Variants in ALK observed in about 807,000 individuals in gnomAD.
ALK encodes the protein ALK tyrosine kinase receptor.
ALK carries 74 observed loss-of-function variants against 163.1 expected under a neutral mutation model. That is an observed-to-expected ratio of 0.45 (90% confidence interval 0.38 to 0.55). ALK has a LOEUF of 0.55. Among genes scored for constraint, ALK ranks in the 20% least tolerant of loss-of-function variants. The pLI, the probability that ALK is intolerant of heterozygous loss-of-function variation, is 0.00. For synonymous variants in ALK, 960 were observed against 843.2 expected (o/e 1.14, Z -2.40); for missense variants, 2,063 against 2,105.3 (o/e 0.98, Z 0.39).
At chr2:29,237,309 C>A (rs1664411338) in intron 13 of ALK, among the ~76,000 whole-genome samples, 1 of 152,164 alleles carries the variant, frequency 6.6e-6, no homozygotes, top group Non-Finnish European at 1.5e-5. Flanking sequence ...CTTCACATTG[C>A]AGCCAGAGTG....
intron 1 of ALK, among the ~76,000 whole-genome samples, chr2:29,877,052 A>G (rs1049260306): frequency 4.6e-5 from 7 of 152,252 alleles, no homozygotes; most frequent in African/African-American, 1.7e-4. Flanking sequence ...GAGCTAATCC[A>G]ATCCAACATA....
At chr2:29,870,636 G>A (rs1214527057) in intron 1 of ALK, among the ~76,000 whole-genome samples, 1 of 152,044 alleles carries the variant, frequency 6.6e-6, no homozygotes, top group Non-Finnish European at 1.5e-5. Context: ...TGCTTACAAA[G>A]ACTTTTTAAT....
intron 5 of ALK, among the ~76,000 whole-genome samples, chr2:29,349,709 A>G (rs532973953): frequency 1.3e-5 from 2 of 152,290 alleles, no homozygotes; most frequent in African/African-American, 4.8e-5. Flanking sequence ...TGGACAGGTG[A>G]CAGCTCATAG....
intron 3 of ALK, among the ~76,000 whole-genome samples, chr2:29,675,925 T>C (rs1396923020): frequency 6.6e-6 from 1 of 152,022 alleles, no homozygotes; most frequent in Non-Finnish European, 1.5e-5. Context: ...GGCACCCCTC[T>C]ATATTGACCA....
intron 4 of ALK, among the ~76,000 whole-genome samples, chr2:29,399,814 A>T (rs76616347): frequency 6.6e-5 from 10 of 152,120 alleles, no homozygotes; most frequent in African/African-American, 2.2e-4. Context: ...GCATTTTCAC[A>T]TGGGTGAAAA....
intron 4 of ALK, among the ~76,000 whole-genome samples, chr2:29,514,899 C>T (rs1017475998): frequency 3.9e-5 from 6 of 152,220 alleles, no homozygotes; most frequent in Non-Finnish European, 8.8e-5. Context: ...CATCCCTACC[C>T]TACCTCCAAC....
rs538690903 is a variant in ALK at position 29,914,908 on chromosome 2, C to G, written c.667+5085G>C. 1.3e-4 allele frequency among the ~76,000 whole-genome samples: 20 copies of G among 152,288 alleles called. No homozygotes were observed. The East Asian group carries it at 3.9e-3, about 29-fold the overall frequency. On this transcript the variant is annotated intron_variant, in intron 1 of 28. Transcript: ENST00000389048. ...GTTTCCAGGTGTATACCATTTTGTG[C>G]TATATGACCTGGAAAAATATGGTCT... is the stretch of plus-strand genomic sequence containing the variant.
intron 3 of ALK, among the ~76,000 whole-genome samples, chr2:29,689,453 C>A (rs1194346411): frequency 2.6e-5 from 4 of 152,260 alleles, no homozygotes; most frequent in East Asian, 1.9e-4. Context: ...TTCAGGGACC[C>A]TTTTAAGAAC....
chr2:29,649,830 C>G (rs1230396708), intron 3 of ALK, among the ~76,000 whole-genome samples: 1 of 152,154 alleles, frequency 6.6e-6, no homozygotes, highest in African/African-American at 2.4e-5. Flanking sequence ...CCCTCCAGCC[C>G]TTACTTTGGC....
intron 5 of ALK, among the ~76,000 whole-genome samples, chr2:29,357,876 C>T (rs1396117756): frequency 6.6e-6 from 1 of 152,218 alleles, no homozygotes; most frequent in Non-Finnish European, 1.5e-5. Flanking sequence ...CTCTCGATTT[C>T]AGAGATGCTT....
At chr2:29,452,325 T>C (rs996840459) in intron 4 of ALK, among the ~76,000 whole-genome samples, 4 of 78,360 alleles carry the variant, frequency 5.1e-5, no homozygotes, top group Admixed American at 4.0e-4. Context: ...TCACTCAAGT[T>C]TTTTTTGTTT....
chr2:29,755,278 T>C (rs933581801), intron 1 of ALK, among the ~76,000 whole-genome samples: 1 of 152,218 alleles, frequency 6.6e-6, no homozygotes, highest in Non-Finnish European at 1.5e-5. Context: ...TGCCGGTGAA[T>C]GGCCCTGTGT....
intron 1 of ALK, among the ~76,000 whole-genome samples, chr2:29,768,918 T>C (rs1263675578): frequency 2.6e-5 from 4 of 151,986 alleles, no homozygotes; most frequent in Non-Finnish European, 4.4e-5. Flanking sequence ...ACTGCAGCCT[T>C]GACTTCCTGG....
At chr2:29,249,162 C>T (rs1341240724) in intron 12 of ALK, among the ~76,000 whole-genome samples, 1 of 152,100 alleles carries the variant, frequency 6.6e-6, no homozygotes, top group Non-Finnish European at 1.5e-5. Context: ...GGAACACAGC[C>T]CAAGAGAATC....
chr2:29,889,832 G>A (rs1667100490), intron 1 of ALK, among the ~76,000 whole-genome samples: 1 of 151,634 alleles, frequency 6.6e-6, no homozygotes, highest in Non-Finnish European at 1.5e-5. Flanking sequence ...TGCTAGTCCT[G>A]GATGACTGTG....
At chr2:29,280,864 A>T (rs1483505199) in intron 9 of ALK, among the ~76,000 whole-genome samples, 12 of 151,012 alleles carry the variant, frequency 7.9e-5, no homozygotes, top group Admixed American at 7.9e-4. Flanking sequence ...TCTGGTATGT[A>T]CCAGGTGGAC....
At chr2:29,835,703 A>T (rs1267959435) in intron 1 of ALK, among the ~76,000 whole-genome samples, 1 of 152,212 alleles carries the variant, frequency 6.6e-6, no homozygotes. Context: ...CAATTGAATC[A>T]TGTGGGTGGT....
At chr2:29,455,123 G>C (rs11691562) in intron 4 of ALK, among the ~76,000 whole-genome samples, 1,879 of 152,228 alleles carry the variant, frequency 0.012, 21 homozygotes, top group Non-Finnish European at 0.018. Context: ...TTTCATAATA[G>C]ACATTTGCAG....
intron 2 of ALK, among the ~76,000 whole-genome samples, chr2:29,696,278 A>T (rs1386104222): frequency 6.6e-6 from 1 of 152,160 alleles, no homozygotes; most frequent in African/African-American, 2.4e-5. Context: ...GCAAACTAAC[A>T]CAGGAACAGA....
Sources: allele counts gnomAD v4.1 joint callset (sites outside exome capture counted in the v4.1 genomes callset), GRCh38; gene constraint gnomAD v4.1.1; transcripts MANE v1.5; gene names NCBI Gene and HGNC (gene_info 2026-07-23, HGNC 2026-07-21).